The following ADGRF5 variants were observed in gnomAD, a reference collection of about 807,000 sequenced individuals.
The protein encoded by ADGRF5 is adhesion G protein-coupled receptor F5, also known as G-protein coupled receptor 116.
ADGRF5 carries 75 observed loss-of-function variants against 132.3 expected under a neutral mutation model. That is an observed-to-expected ratio of 0.57 (90% CI 0.47 to 0.69). The LOEUF is 0.69. Among genes scored for constraint, ADGRF5 ranks in the 30% least tolerant of loss-of-function variants. The pLI, the probability that ADGRF5 is intolerant of heterozygous loss-of-function variation, is 0.00. For synonymous variants in ADGRF5, 629 were observed against 597.6 expected (o/e 1.05, Z -0.77); for missense variants, 1,516 against 1,630.6 (o/e 0.93, Z 1.21).
chr6:46,863,527 C>T lies in ADGRF5; in HGVS notation c.1991-431G>A, dbSNP rs144798980. On this transcript the variant is annotated intron_variant, in intron 14 of 20. Transcript: ENST00000283296. Reference sequence around the variant, plus strand: ...CTGCCATAATCCAAAGACATAATTGCTAGTAGGAACTCTAGGTACCCATGA... The same window carrying T: ...CTGCCATAATCCAAAGACATAATTGTTAGTAGGAACTCTAGGTACCCATGA... Among the ~76,000 whole-genome samples, 281 of 152,282 alleles carry T rather than the reference C, an allele frequency of 1.8e-3. 1 individual carries two copies. Among genetic ancestry groups the T allele is most frequent in the African/African-American group, 6.3e-3 (262 of 41,558 alleles).
chr6:46,925,117 C>A (rs533640424), upstream of ADGRF5, among the ~76,000 whole-genome samples: 10 of 152,338 alleles, frequency 6.6e-5, no homozygotes, highest in African/African-American at 2.2e-4. Context: ...GCCAGTGAGA[C>A]CTTCATGATC....
chr6:46,888,426 A>G lies in ADGRF5; in HGVS notation c.237T>C (p.Pro79=), dbSNP rs1264025345. Residue 79 remains proline (P), a synonymous_variant, in exon 4 of 21, where the codon CCT becomes CCC. Coordinates refer to ENST00000283296, the MANE Select transcript of ADGRF5 (RefSeq NM_001098518.2). The part of the protein sequence containing the change: ...ISFENASFLD[P]IKAYLNSLSF... ...TGAGGCTGTTCAAGTAGGCTTTGATAGGATCCAGGAAGGATGCATTTTCAA... is the reference window on the plus strand; with the variant it reads ...TGAGGCTGTTCAAGTAGGCTTTGATGGGATCCAGGAAGGATGCATTTTCAA... 6.2e-7 allele frequency: 1 copy of G among 1,610,638 alleles called. No homozygotes were observed. Among genetic ancestry groups the G allele is most frequent in the Non-Finnish European group, 8.5e-7 (1 of 1,176,768 alleles).
intron 1 of ADGRF5, among the ~76,000 whole-genome samples, chr6:46,914,475 C>A (rs922896741): frequency 1.3e-5 from 2 of 152,106 alleles, no homozygotes; most frequent in African/African-American, 4.8e-5. Context: ...TTTAATTTTC[C>A]ATTGCCTTGA....
At chr6:46,860,668 G>A (rs41273666) in intron 16 of ADGRF5, 47 bp downstream of exon 16, 1 of 1,387,788 alleles carries the variant, frequency 7.2e-7, no homozygotes, top group African/African-American at 1.4e-5. Context: ...ATTCTGAGGG[G>A]TGAAAAGGTA....
intron 9 of ADGRF5, among the ~76,000 whole-genome samples, chr6:46,879,375 A>T (rs1222996696): frequency 6.6e-6 from 1 of 151,830 alleles, no homozygotes; most frequent in African/African-American, 2.4e-5. Context: ...GTGGTAGGTG[A>T]TTTTCTCATG....
At chr6:46,936,759 T>G (rs796310292) in intron 1 of ADGRF5, among the ~76,000 whole-genome samples, 15 of 152,268 alleles carry the variant, frequency 9.9e-5, no homozygotes, top group African/African-American at 3.6e-4. Context: ...CACTCTACTG[T>G]GCCTTGTCCT....
At chr6:46,876,245 C>T (rs946825892) in intron 10 of ADGRF5, among the ~76,000 whole-genome samples, 2 of 152,208 alleles carry the variant, frequency 1.3e-5, no homozygotes, top group African/African-American at 4.8e-5. Flanking sequence ...GCTGCCAGCC[C>T]TGAGGCAGGA....
At chr6:46,898,055 T>G (rs1394450827) in intron 3 of ADGRF5, among the ~76,000 whole-genome samples, 2 of 152,240 alleles carry the variant, frequency 1.3e-5, no homozygotes, top group Non-Finnish European at 2.9e-5. Context: ...TCTTTTCATG[T>G]TGATTTAACA....
intron 14 of ADGRF5, among the ~76,000 whole-genome samples, chr6:46,863,927 G>A (rs944401091): frequency 6.6e-6 from 1 of 152,218 alleles, no homozygotes; most frequent in East Asian, 1.9e-4. Context: ...GTACTTGTGC[G>A]TGGAAAGGTC....
At chr6:46,884,323 A>C (rs898506620) in intron 4 of ADGRF5, 52 bp from the exon 5 acceptor site, 1 of 1,427,660 alleles carries the variant, frequency 7.0e-7, no homozygotes, top group Non-Finnish European at 9.8e-7. Flanking sequence ...GGTGGTCACC[A>C]TATTTGTATT....
intron 4 of ADGRF5, chr6:46,886,467 G>C (rs923525172): frequency 1.1e-4 from 17 of 152,276 alleles, no homozygotes; most frequent in African/African-American, 3.9e-4. Flanking sequence ...TTGTAAGGGA[G>C]CATTATGGGA....
At chr6:46,899,285 C>A (rs1001979998) in intron 3 of ADGRF5, among the ~76,000 whole-genome samples, 3 of 152,002 alleles carry the variant, frequency 2.0e-5, no homozygotes, top group Admixed American at 1.3e-4. Context: ...TGGTGAGTCA[C>A]AAGCAGAGGA....
chr6:46,883,175 T>C (rs543692164), intron 6 of ADGRF5, among the ~76,000 whole-genome samples: 1 of 152,306 alleles, frequency 6.6e-6, no homozygotes, highest in South Asian at 2.1e-4. Flanking sequence ...AGACCCTCTG[T>C]GCTCAGCCAC....
At chr6:46,923,152 C>G (rs1777072956), upstream of ADGRF5, among the ~76,000 whole-genome samples, 1 of 152,152 alleles carries the variant, frequency 6.6e-6, no homozygotes, top group African/African-American at 2.4e-5. Flanking sequence ...GTCTCAAACT[C>G]CTGACCTCAG....
chr6:46,915,652 T>C (rs776135490), intron 1 of ADGRF5, among the ~76,000 whole-genome samples: 20 of 152,122 alleles, frequency 1.3e-4, no homozygotes, highest in Non-Finnish European at 2.2e-4. Context: ...AATCTTCATT[T>C]CCTTCTTCAG....
rs755801857 is a variant in ADGRF5, at chr6:46,865,149, G to C, written c.1883C>G (p.Ala628Gly). 3.7e-6 allele frequency: 6 copies of C among 1,611,816 alleles called. No homozygotes were observed. The highest frequency in any genetic ancestry group is 2.7e-5 in the African/African-American group (2 of 74,906). Residue 628 changes from alanine (A) to glycine (G), a missense_variant, in exon 14 of 21, where the codon GCA becomes GGA. Around this residue, in one of 2 missense-constraint regions of ADGRF5, gnomAD observed 945 missense variants for 929.4 expected, o/e 1.02. Coordinates refer to ENST00000283296, the MANE Select transcript of ADGRF5 (RefSeq NM_001098518.2). The part of the protein sequence containing the change: ...KQVCYKHNFN[A>G]SSVSWCSKTV... Reference sequence around the variant, plus strand: ...TTTTGAACACCAGGAAACTGAGCTTGCATTGAAATTGTGTTTGTAGCACAC... The same window carrying C: ...TTTTGAACACCAGGAAACTGAGCTTCCATTGAAATTGTGTTTGTAGCACAC...
At chr6:46,928,673 C>T (rs990035346) in intron 1 of ADGRF5, among the ~76,000 whole-genome samples, 5 of 152,140 alleles carry the variant, frequency 3.3e-5, no homozygotes, top group African/African-American at 1.2e-4. Context: ...AGGTCTGAGT[C>T]TCAATTGCTT....
intron 1 of ADGRF5, among the ~76,000 whole-genome samples, chr6:46,915,502 A>T (rs1259797215): frequency 6.6e-6 from 1 of 152,084 alleles, no homozygotes; most frequent in Non-Finnish European, 1.5e-5. Flanking sequence ...AGTTATTTGC[A>T]ATGTGGCTTA....
intron 1 of ADGRF5, among the ~76,000 whole-genome samples, chr6:46,918,304 G>A (rs1285440666): frequency 1.3e-5 from 2 of 152,108 alleles, no homozygotes; most frequent in South Asian, 2.1e-4. Context: ...GAACAGGCCC[G>A]GTAGTCCTCT....
Sources: allele counts gnomAD v4.1 joint callset (sites outside exome capture counted in the v4.1 genomes callset), GRCh38; gene constraint gnomAD v4.1.1; regional missense constraint gnomAD v4.1.1; transcripts MANE v1.5; gene names NCBI Gene and HGNC (gene_info 2026-07-23, HGNC 2026-07-21).